C12orf56: variants seen among roughly 807,000 people sequenced by gnomAD.
C12orf56 encodes the protein uncharacterized protein C12orf56.
A neutral mutation model predicts 69.9 loss-of-function variants in C12orf56; 71 were observed. That is an observed-to-expected ratio of 1.02 (90% confidence interval 0.84 to 1.24). The LOEUF (loss-of-function observed/expected upper bound fraction) is 1.24. C12orf56 is among the 50% of genes most tolerant of loss of function. The pLI, the probability that C12orf56 is intolerant of heterozygous loss-of-function variation, is 0.00. For synonymous variants in C12orf56, 276 were observed against 274.1 expected, an observed-to-expected ratio of 1.01 and a Z score of -0.07; for missense variants, 732 against 738.5, an observed-to-expected ratio of 0.99 and a Z score of 0.10.
intron 1 of C12orf56, among the ~76,000 whole-genome samples, chr12:64,361,847 C>T (rs1036355126): frequency 6.6e-6 from 1 of 152,070 alleles, no homozygotes; most frequent in Non-Finnish European, 1.5e-5. Flanking sequence ...ATTCTCCTGC[C>T]TCAGCCTCCC....
intron 6 of C12orf56, 46 bp downstream of exon 6, chr12:64,303,589 C>G: frequency 7.2e-7 from 1 of 1,392,608 alleles, no homozygotes. Context: ...ATTTGGTAAA[C>G]AGGAAACACA....
intron 7 of C12orf56, among the ~76,000 whole-genome samples, chr12:64,285,339 A>G (rs2038184853): frequency 6.6e-6 from 1 of 152,214 alleles, no homozygotes; most frequent in Non-Finnish European, 1.5e-5. Flanking sequence ...GAGAGGTACT[A>G]TTTGGCTCAA....
At chr12:64,389,306 A>G (rs954144561) in intron 1 of C12orf56, 1 of 152,102 alleles carries the variant, frequency 6.6e-6, no homozygotes, top group Non-Finnish European at 1.5e-5. Context: ...GCACCCGAAA[A>G]CCGGCGACAG....
chr12:64,343,969 A>G (rs968144516), intron 2 of C12orf56, among the ~76,000 whole-genome samples: 3 of 152,104 alleles, frequency 2.0e-5, no homozygotes, highest in Non-Finnish European at 4.4e-5. Flanking sequence ...GGATGAGTCC[A>G]GGGGCCCACT....
intron 11 of C12orf56, among the ~76,000 whole-genome samples, chr12:64,272,803 G>A (rs1305178720): frequency 6.6e-6 from 1 of 152,192 alleles, no homozygotes; most frequent in Non-Finnish European, 1.5e-5. Flanking sequence ...TACTGAGGAA[G>A]ACAAGTTCAT....
intron 1 of C12orf56, among the ~76,000 whole-genome samples, chr12:64,387,734 C>T (rs1466125929): frequency 6.6e-6 from 1 of 151,648 alleles, no homozygotes. Flanking sequence ...ATCACTTGAG[C>T]CAGGGAGGCA....
chr12:64,352,114 T>G (rs1165188879), intron 2 of C12orf56, among the ~76,000 whole-genome samples: 6 of 49,914 alleles, frequency 1.2e-4, no homozygotes, highest in African/African-American at 3.9e-4. Context: ...TTTTTTTTTT[T>G]TGTTTTTTTT....
intron 1 of C12orf56, among the ~76,000 whole-genome samples, chr12:64,358,494 C>A (rs532708193): frequency 0.19 from 19,896 of 106,508 alleles, 1,665 homozygotes; most frequent in East Asian, 0.39. Context: ...TCATCATCAT[C>A]ATCATCATCA....
At chr12:64,377,284 G>C (rs2135980508) in intron 1 of C12orf56, among the ~76,000 whole-genome samples, 2 of 148,496 alleles carry the variant, frequency 1.3e-5, no homozygotes, top group Middle Eastern at 7.2e-3. Flanking sequence ...TCCACCTCCT[G>C]GATTCAAACG....
At chr12:64,296,142 A>G (rs545568862) in intron 6 of C12orf56, among the ~76,000 whole-genome samples, 1 of 152,304 alleles carries the variant, frequency 6.6e-6, no homozygotes, top group Non-Finnish European at 1.5e-5. Context: ...AATACCTAAA[A>G]ATGTGGAAGT....
At chr12:64,380,102 CGCAAAAAAAA>C (rs2135983647) in intron 1 of C12orf56, among the ~76,000 whole-genome samples, 1 of 49,344 alleles carries the variant, frequency 2.0e-5, no homozygotes, top group Non-Finnish European at 3.1e-5. Flanking sequence ...AAGACTCCGT[CGCAAAAAAAA>C]AAAAAAAAAA....
chr12:64,365,918 A>G (rs1381213687), intron 1 of C12orf56, among the ~76,000 whole-genome samples: 1 of 132,916 alleles, frequency 7.5e-6, no homozygotes, highest in Non-Finnish European at 1.5e-5. Flanking sequence ...TATAGTGTAT[A>G]TATTATATAT....
chr12:64,283,196 G>C (rs957818066), intron 8 of C12orf56, among the ~76,000 whole-genome samples: 2 of 150,782 alleles, frequency 1.3e-5, no homozygotes, highest in African/African-American at 4.9e-5. Flanking sequence ...AATGAAATTA[G>C]GGCCAGTCAT....
rs961230744 is a variant in C12orf56 at position 64,302,686 on chromosome 12, T to A, written c.1113+949A>T. Among the ~76,000 whole-genome samples, 11 of 152,240 alleles carry A rather than the reference T, an allele frequency of 7.2e-5. No individual in the cohort carries two copies. The East Asian group carries it at 2.1e-3, about 29-fold the overall frequency. ...TCACTCCCCTGGGCTTCTTAACACT[T>A]TCACCTGAACATGAAAATGAGGTGT... On this transcript the variant is annotated intron_variant, in intron 6 of 12. Coordinates refer to ENST00000543942, the MANE Select transcript of C12orf56 (RefSeq NM_001170633.2).
At chr12:64,332,615 T>A (rs1178215673) in intron 2 of C12orf56, among the ~76,000 whole-genome samples, 1 of 118,374 alleles carries the variant, frequency 8.4e-6, no homozygotes, top group Non-Finnish European at 1.8e-5. Context: ...CTTAGTTATT[T>A]CAAGGGGGGG....
At chr12:64,364,615 G>T (rs1592490889) in intron 1 of C12orf56, among the ~76,000 whole-genome samples, 1 of 152,190 alleles carries the variant, frequency 6.6e-6, no homozygotes, top group South Asian at 2.1e-4. Context: ...GGTCTATGCT[G>T]CTCCACTGAA....
chr12:64,293,632 T>C (rs2038326132), intron 6 of C12orf56, among the ~76,000 whole-genome samples: 1 of 152,250 alleles, frequency 6.6e-6, no homozygotes, highest in East Asian at 1.9e-4. Flanking sequence ...GTCTAATAAG[T>C]ATCACTGTTA....
At chr12:64,284,596 A>G in intron 8 of C12orf56, 68 bp downstream of exon 8, 1 of 1,140,856 alleles carries the variant, frequency 8.8e-7, no homozygotes, top group Non-Finnish European at 1.3e-6. Context: ...TGTGCTTTGG[A>G]AGACACTTAA....
intron 1 of C12orf56, among the ~76,000 whole-genome samples, chr12:64,382,767 G>T (rs1482408590): frequency 6.6e-6 from 1 of 151,860 alleles, no homozygotes; most frequent in Admixed American, 6.6e-5. Context: ...TAGCTACTCA[G>T]GAGGCTGGGG....
Sources: gnomAD v4.1 joint callset for allele counts (sites outside exome capture counted in the v4.1 genomes callset) on GRCh38, gnomAD v4.1.1 for gene constraint, MANE v1.5 for transcripts, NCBI Gene and HGNC (gene_info 2026-07-23, HGNC 2026-07-21) for gene names.